The following WDR20 variants were observed in gnomAD, a reference collection of about 807,000 sequenced individuals.
WDR20 encodes WD repeat domain 20.
Under a neutral mutation model 38.7 loss-of-function variants are expected in WDR20, and 3 were observed. That is an observed-to-expected ratio of 0.08 (90% CI 0.04 to 0.20). The LOEUF is 0.20. Ranked by LOEUF, WDR20 falls within the 10% of genes least tolerant of loss-of-function variation. The pLI, the probability that WDR20 is intolerant of heterozygous loss-of-function variation, is 1.00. For synonymous variants in WDR20, 298 were observed against 285.6 expected (o/e 1.04, Z -0.44); for missense variants, 559 against 727.7 (o/e 0.77, Z 2.67).
At chr14:102,194,789 G>C in intron 1 of WDR20, 149 bp from the exon 2 acceptor site, 1 of 795,220 alleles carries the variant, frequency 1.3e-6, no homozygotes, top group Admixed American at 2.9e-5. Flanking sequence ...TTTATAAAAT[G>C]TTAGATGATG....
intron 2 of WDR20, among the ~76,000 whole-genome samples, chr14:102,204,634 T>G (rs939182907): frequency 1.3e-5 from 2 of 152,216 alleles, no homozygotes; most frequent in African/African-American, 4.8e-5. Flanking sequence ...ACTGATAATA[T>G]GGCGACAATC....
At chr14:102,210,874 G>T (rs559363792), downstream of WDR20, among the ~76,000 whole-genome samples, 26 of 152,244 alleles carry the variant, frequency 1.7e-4, no homozygotes, top group African/African-American at 6.0e-4. Flanking sequence ...TTCGTCCCCC[G>T]CAGAGGAAGC....
chr14:102,213,211 C>T (rs960998), downstream of WDR20: 1 of 985,468 alleles, frequency 1.0e-6, no homozygotes. Flanking sequence ...GAGCCTTTCT[C>T]TGAGGCTTTT....
intron 1 of WDR20, among the ~76,000 whole-genome samples, chr14:102,148,053 G>A (rs1164738812): frequency 4.6e-5 from 7 of 152,148 alleles, no homozygotes; most frequent in African/African-American, 1.7e-4. Context: ...TTAAAAATAG[G>A]AAGATTTTTG....
chr14:102,222,809 TG>T lies in WDR20; in HGVS notation c.1693-20del. On this transcript the variant is annotated intron_variant, in intron 3 of 3. Coordinates refer to the WDR20 transcript ENST00000335263. This position sits in a 1 kb window ranked among gnomAD's most constrained non-coding sequence, Gnocchi z 4.4. Reference sequence around the variant, plus strand: ...CCCGTCCGGTGTTTTGCTGGATTAATGTAGACTGCTTTGTTTGCAGGGCTCA... The same window carrying T: ...CCCGTCCGGTGTTTTGCTGGATTAATTAGACTGCTTTGTTTGCAGGGCTCA... The T allele has an allele frequency of 6.2e-7, 1 of 1,614,164 alleles. No homozygotes were observed. Among genetic ancestry groups the T allele is most frequent in the Non-Finnish European group, 8.5e-7 (1 of 1,179,972 alleles).
chr14:102,199,224 C>T (rs903696992), intron 2 of WDR20, among the ~76,000 whole-genome samples: 2 of 151,702 alleles, frequency 1.3e-5, no homozygotes, highest in Non-Finnish European at 2.9e-5. Context: ...TGGGTCTTAC[C>T]TCTCCTCGGT....
At chr14:102,149,430 T>G (rs2054933012) in intron 1 of WDR20, among the ~76,000 whole-genome samples, 1 of 152,206 alleles carries the variant, frequency 6.6e-6, no homozygotes, top group South Asian at 2.1e-4. Context: ...AAAGGTGAAG[T>G]GGAAAAGTAT....
chr14:102,152,627 A>G (rs1595903257), intron 1 of WDR20, among the ~76,000 whole-genome samples: 1 of 152,084 alleles, frequency 6.6e-6, no homozygotes, highest in East Asian at 1.9e-4. Flanking sequence ...GTTGGTCAGG[A>G]TGGCCTGGAT....
chr14:102,142,228 G>T (rs1311464772), intron 1 of WDR20, among the ~76,000 whole-genome samples: 2 of 152,046 alleles, frequency 1.3e-5, no homozygotes, highest in South Asian at 4.1e-4. Flanking sequence ...AGATACATTT[G>T]CATTGTGTTG....
intron 1 of WDR20, 49 bp downstream of exon 1, chr14:102,140,221 C>T: frequency 1.9e-6 from 3 of 1,600,162 alleles, no homozygotes; most frequent in Non-Finnish European, 2.5e-6. Flanking sequence ...AGGCAGAGGC[C>T]GGGAGCAGGG....
Position 102,208,475 on chromosome 14 carries a change from A to G in WDR20, c.433-128A>G. ...GCTCCTTGCTGGCTTGGCTGACTGC[A>G]GGATAAAATGTGGAGGGCCTGGATA... On this transcript the variant is annotated intron_variant, in intron 2 of 2. Coordinates refer to ENST00000342702, the MANE Select transcript of WDR20 (RefSeq NM_144574.4). The surrounding 1 kb of genome is among the most constrained non-coding windows in gnomAD (Gnocchi z 5.6). 3.9e-6 allele frequency: 5 copies of G among 1,285,604 alleles called. 1 individual carries two copies. Among genetic ancestry groups the G allele is most frequent in the Non-Finnish European group, 5.2e-6 (5 of 961,118 alleles). The allele number at this position is 1,285,604 out of a possible 1,614,324, so 79.6% of individuals were successfully genotyped here.
downstream of WDR20, chr14:102,212,571 G>A (rs1597074924): frequency 6.5e-7 from 1 of 1,535,910 alleles, no homozygotes; most frequent in East Asian, 2.4e-5. Flanking sequence ...TGTTCTCCAA[G>A]ACCAGAACTA....
intron 1 of WDR20, among the ~76,000 whole-genome samples, chr14:102,165,254 C>G (rs1421963248): frequency 6.6e-6 from 1 of 152,186 alleles, no homozygotes; most frequent in African/African-American, 2.4e-5. Flanking sequence ...TTTTCTGCTG[C>G]TGCTTGGGTG....
chr14:102,186,441 T>C (rs1292732493), intron 1 of WDR20, among the ~76,000 whole-genome samples: 1 of 152,228 alleles, frequency 6.6e-6, no homozygotes, highest in African/African-American at 2.4e-5. Context: ...TCCCATTATG[T>C]TGAAGAAAAT....
chr14:102,219,581 T>C (rs1371782460), downstream of WDR20, among the ~76,000 whole-genome samples: 4 of 152,170 alleles, frequency 2.6e-5, no homozygotes, highest in African/African-American at 7.2e-5. Flanking sequence ...TTAACTCCTC[T>C]TAGAGACCAC....
intron 1 of WDR20, among the ~76,000 whole-genome samples, chr14:102,178,574 GGGCCC>G (rs1169104791): frequency 2.0e-5 from 3 of 151,860 alleles, no homozygotes; most frequent in Non-Finnish European, 4.4e-5. Context: ...TGAAGATTCT[GGGCCC>G]CTGCACTTGA....
chr14:102,216,542 C>T (rs150831238), downstream of WDR20, among the ~76,000 whole-genome samples: 222 of 152,304 alleles, frequency 1.5e-3, 2 homozygotes, highest in African/African-American at 5.1e-3. Flanking sequence ...GCCCTAAAGA[C>T]TATTAAGTTG....
intron 1 of WDR20, among the ~76,000 whole-genome samples, chr14:102,167,183 C>G (rs1314269205): frequency 2.0e-5 from 3 of 152,088 alleles, no homozygotes; most frequent in Non-Finnish European, 4.4e-5. Context: ...TCTCACAAAC[C>G]TTAACCTTTT....
chr14:102,201,614 G>T (rs1485844419), intron 2 of WDR20, among the ~76,000 whole-genome samples: 1 of 150,692 alleles, frequency 6.6e-6, no homozygotes, highest in African/African-American at 2.5e-5. Context: ...GGAACTATGG[G>T]GAGGGCCGCG....
Sources: gnomAD v4.1 joint callset for allele counts (sites outside exome capture counted in the v4.1 genomes callset) on GRCh38, gnomAD v4.1.1 for gene constraint, Gnocchi (gnomAD v3.1) non-coding constraint, MANE v1.5 for transcripts, NCBI Gene and HGNC (gene_info 2026-07-23, HGNC 2026-07-21) for gene names.